The following CSTPP1 variants were observed in gnomAD, a reference collection of about 807,000 sequenced individuals.
CSTPP1 encodes the protein centriolar satellite-associated tubulin polyglutamylase complex regulator 1, also known as UPF0705 protein C11orf49.
chr11:47,097,067 C>A, the CSTPP1 span, among the ~76,000 whole-genome samples: 7 of 149,300 alleles, frequency 4.7e-5, no homozygotes, highest in African/African-American at 1.5e-4. Context: ...TCAGCCCCCC[C>A]ACCCGGCCAG....
chr11:47,080,870 A>G, the CSTPP1 span, among the ~76,000 whole-genome samples: 75 of 152,046 alleles, frequency 4.9e-4, no homozygotes, highest in Non-Finnish European at 9.4e-4. Context: ...TTGGCCAGGC[A>G]TAGTGGTGTG....
At chr11:47,021,785 A>T in the CSTPP1 span, among the ~76,000 whole-genome samples, 1 of 152,230 alleles carries the variant, frequency 6.6e-6, no homozygotes, top group Non-Finnish European at 1.5e-5. Flanking sequence ...TCCGGCTAGT[A>T]AAATGCAAGC....
At chr11:47,150,453 C>T in the CSTPP1 span, among the ~76,000 whole-genome samples, 7 of 152,252 alleles carry the variant, frequency 4.6e-5, no homozygotes, top group Non-Finnish European at 7.4e-5. Context: ...AGCAGGGAGA[C>T]AGAGGTGTCA....
chr11:47,140,565 G>A, the CSTPP1 span, among the ~76,000 whole-genome samples: 1 of 151,950 alleles, frequency 6.6e-6, no homozygotes, highest in African/African-American at 2.4e-5. Context: ...TGAGTAGCTG[G>A]GATTATAGGT....
the CSTPP1 span, among the ~76,000 whole-genome samples, chr11:46,994,707 T>A: frequency 2.6e-5 from 4 of 152,240 alleles, no homozygotes; most frequent in African/African-American, 9.6e-5. Context: ...TTTGCATCGA[T>A]GTTCATCAGG....
chr11:47,097,080 G>T, the CSTPP1 span, among the ~76,000 whole-genome samples: 1 of 143,988 alleles, frequency 6.9e-6, no homozygotes. Flanking sequence ...CCGGCCAGCC[G>T]CCCCGTCCGG....
At chr11:47,148,857 G>C in the CSTPP1 span, among the ~76,000 whole-genome samples, 1 of 152,200 alleles carries the variant, frequency 6.6e-6, no homozygotes, top group East Asian at 1.9e-4. Context: ...CCAGTGAGTA[G>C]TGGAACTAGG....
the CSTPP1 span, among the ~76,000 whole-genome samples, chr11:46,967,660 C>A: frequency 1.3e-5 from 2 of 152,006 alleles, no homozygotes; most frequent in Admixed American, 1.3e-4. Context: ...AAAACTCTTA[C>A]AACTGTGCCC....
the CSTPP1 span, chr11:47,162,381 AGAGGGGCCTAGCTTCGC>A: frequency 7.8e-6 from 3 of 383,914 alleles, no homozygotes; most frequent in Non-Finnish European, 1.1e-5. Context: ...GACAACGAGC[AGAGGGGCCTAGCTTCGC>A]ACAAGAGCAA....
chr11:47,027,380 G>C, the CSTPP1 span, among the ~76,000 whole-genome samples: 8 of 152,088 alleles, frequency 5.3e-5, no homozygotes, highest in Non-Finnish European at 8.8e-5. Context: ...AGATCCAATG[G>C]GGGGAAGAGT....
chr11:47,124,986 T>C, the CSTPP1 span, among the ~76,000 whole-genome samples: 1 of 152,128 alleles, frequency 6.6e-6, no homozygotes, highest in African/African-American at 2.4e-5. Context: ...AAACCATACT[T>C]TGAAAAACAA....
At chr11:47,160,299 CAAAA>C in the CSTPP1 span, 12 of 102,018 alleles carry the variant, frequency 1.2e-4, no homozygotes, top group South Asian at 3.2e-4. Flanking sequence ...AACTCTGTCT[CAAAA>C]AAAAAAAAAA....
the CSTPP1 span, among the ~76,000 whole-genome samples, chr11:47,057,227 T>A: frequency 1.3e-5 from 2 of 152,180 alleles, no homozygotes; most frequent in Non-Finnish European, 1.5e-5. Flanking sequence ...CTTCTCACTT[T>A]GCTAATTTTT....
the CSTPP1 span, among the ~76,000 whole-genome samples, chr11:47,114,588 T>A: frequency 6.6e-6 from 1 of 152,102 alleles, no homozygotes; most frequent in Admixed American, 6.6e-5. Context: ...ATTCTCTTTG[T>A]AGCAATTGTG....
At chr11:47,087,947 C>T in the CSTPP1 span, among the ~76,000 whole-genome samples, 1,377 of 152,180 alleles carry the variant, frequency 9.0e-3, 14 homozygotes, top group Middle Eastern at 0.027. Flanking sequence ...ATCTGGAGGG[C>T]CTGCTTCTAA....
At chr11:46,975,717 G>GA in the CSTPP1 span, among the ~76,000 whole-genome samples, 11 of 152,292 alleles carry the variant, frequency 7.2e-5, no homozygotes, top group South Asian at 2.3e-3. Flanking sequence ...ATCAAGAGGA[G>GA]AAAAAATGAA....
chr11:47,156,510 C>T, the CSTPP1 span, among the ~76,000 whole-genome samples: 8 of 152,224 alleles, frequency 5.3e-5, no homozygotes, highest in African/African-American at 7.2e-5. Context: ...TATTCCAACA[C>T]GCTTTCTTGA....
At chr11:47,128,599 G>C in the CSTPP1 span, among the ~76,000 whole-genome samples, 1 of 151,964 alleles carries the variant, frequency 6.6e-6, no homozygotes, top group African/African-American at 2.4e-5. Flanking sequence ...TGTTGCCCAG[G>C]CTGGTCTTGA....
At chr11:47,030,678 C>G in the CSTPP1 span, among the ~76,000 whole-genome samples, 1 of 152,140 alleles carries the variant, frequency 6.6e-6, no homozygotes, top group African/African-American at 2.4e-5. Flanking sequence ...TTCCCATCCT[C>G]CACCCTCCAA....
Sources: gnomAD v4.1 joint callset for allele counts (sites outside exome capture counted in the v4.1 genomes callset) on GRCh38, gnomAD v4.1.1 for gene constraint, MANE v1.5 for transcripts, NCBI Gene and HGNC (gene_info 2026-07-23, HGNC 2026-07-21) for gene names.